The following RNASET2 variants were observed in gnomAD, a reference collection of about 807,000 sequenced individuals.
RNASET2 encodes the protein ribonuclease 6.
Under a neutral mutation model 33.9 loss-of-function variants are expected in RNASET2, and 28 were observed. That is an observed-to-expected ratio of 0.83 (90% CI 0.61 to 1.13). The LOEUF (loss-of-function observed/expected upper bound fraction) is 1.13, where lower values mean the gene tolerates loss of function less well. Ranked by LOEUF, RNASET2 falls within the 50% of genes most tolerant of loss-of-function variation. The pLI is 0.00. For synonymous variants in RNASET2, 123 were observed against 121.0 expected, an observed-to-expected ratio of 1.02 and a Z score of -0.11; for missense variants, 330 against 319.9, an observed-to-expected ratio of 1.03 and a Z score of -0.24.
intron 5 of RNASET2, among the ~76,000 whole-genome samples, chr6:166,942,272 C>T (rs575207502): frequency 3.3e-5 from 5 of 152,168 alleles, no homozygotes; most frequent in East Asian, 1.9e-4. Flanking sequence ...AGGCTGGTCT[C>T]GAACTCCTGA....
rs1778490897 is a variant in RNASET2 at position 166,933,298 on chromosome 6, G to A, written c.492+793C>T. 1.3e-5 allele frequency: 2 copies of A among 152,156 alleles called. No individual in the cohort carries two copies. Among genetic ancestry groups the A allele is most frequent in the Non-Finnish European group, 2.9e-5 (2 of 68,028 alleles). The allele number at this position is 152,156 out of a possible 1,614,324, so 9.4% of individuals were successfully genotyped here. A position where few individuals can be genotyped will look rare whatever the true frequency, so the allele number is the denominator to read the frequency against. On this transcript the variant is annotated intron_variant, in intron 7 of 8. Transcript: ENST00000508775. This position sits in a 1 kb window ranked among gnomAD's most constrained non-coding sequence, Gnocchi z 4.1. The stretch of plus-strand genomic sequence containing the variant: ...CACCATGGGAGCACAAGCATCCCCA[G>A]GTAACAAAGGAGTACAATTTTGTTT...
Position 166,925,309 on chromosome 6 carries a change from C to A in RNASET2, c.*4279G>T, listed in dbSNP as rs1762263118. 6.6e-6 allele frequency among the ~76,000 whole-genome samples: 1 copy of A among 152,026 alleles called. No homozygotes were observed. The highest frequency in any genetic ancestry group is 2.4e-5 in the African/African-American group (1 of 41,390). On this transcript the variant is annotated 3_prime_UTR_variant, in exon 9 of 9. Transcript: ENST00000508775. ...CTATGCCACTTAGCCCTCACCCATG[C>A]CATCTAGCCCTCACTCAAGCCACCC...
Position 166,922,292 on chromosome 6 carries a change from G to A in RNASET2, c.*7296C>T, listed in dbSNP as rs181723883. 1.2e-4 allele frequency among the ~76,000 whole-genome samples: 19 copies of A among 152,330 alleles called. No homozygotes were observed. The East Asian group carries it at 3.5e-3, about 28-fold the overall frequency. On this transcript the variant is annotated 3_prime_UTR_variant, in exon 9 of 9. Coordinates refer to ENST00000508775, the MANE Select transcript of RNASET2 (RefSeq NM_003730.6). ...ACACTCAAAAAGCGCGGTGATCTGA[G>A]TTATAGTAAAGCCTGTTTCGTTGGT...
intron 4 of RNASET2, chr6:166,944,104 G>A (rs1304017913): frequency 6.4e-6 from 1 of 155,562 alleles, no homozygotes; most frequent in Non-Finnish European, 1.4e-5. Context: ...TGGCGACAGA[G>A]TGAGACTCCA....
At chr6:166,952,421 C>A in intron 2 of RNASET2, 67 bp downstream of exon 2, 1 of 1,406,402 alleles carries the variant, frequency 7.1e-7, no homozygotes, top group Non-Finnish European at 1.0e-6. Context: ...TGGACGGGCA[C>A]GTGCACACAA....
intron 1 of RNASET2, chr6:166,955,864 A>G: frequency 1.3e-6 from 1 of 762,606 alleles, no homozygotes; most frequent in Non-Finnish European, 1.6e-6. Context: ...GTCACTTCTG[A>G]GTGTGCTAAG....
chr6:166,930,816 GCA>G (rs1476936014), intron 8 of RNASET2, among the ~76,000 whole-genome samples: 2 of 135,996 alleles, frequency 1.5e-5, no homozygotes, highest in African/African-American at 5.8e-5. Context: ...ACACACACAT[GCA>G]CACATAGCAC....
Position 166,925,633 on chromosome 6 carries a change from C to CCAT in RNASET2, c.*3952_*3954dup, listed in dbSNP as rs1422066085. On this transcript the variant is annotated 3_prime_UTR_variant, in exon 9 of 9. Coordinates refer to ENST00000508775, the MANE Select transcript of RNASET2 (RefSeq NM_003730.6). ...CTACACTGTACGGCCCTCCCCTGTG[C>CCAT]CATCCAGCTGGCATCTTCTATGTAA... Among the ~76,000 whole-genome samples the CCAT allele has an allele frequency of 6.6e-6, 1 of 152,210 alleles. No individual in the cohort carries two copies. Among genetic ancestry groups the CCAT allele is most frequent in the African/African-American group, 2.4e-5 (1 of 41,448 alleles).
intron 5 of RNASET2, 51 bp from the exon 6 acceptor site, chr6:166,939,059 T>G (rs759559245): frequency 1.5e-6 from 2 of 1,331,020 alleles, no homozygotes; most frequent in Non-Finnish European, 2.1e-6. Context: ...ACAGGCTGCG[T>G]GCAGTGGCTC....
chr6:166,929,813 C>T (rs757791702), intron 8 of RNASET2, 22 bp from the exon 9 acceptor site: 54 of 1,599,532 alleles, frequency 3.4e-5, no homozygotes, highest in South Asian at 7.7e-5. Flanking sequence ...CAATGAAAGA[C>T]GCTTTAGAAT....
chr6:166,942,058 C>CCTTTTTTTT (rs1778704639), intron 5 of RNASET2, among the ~76,000 whole-genome samples: 3 of 127,248 alleles, frequency 2.4e-5, no homozygotes, highest in Admixed American at 8.6e-5. Flanking sequence ...AAGACATCTT[C>CCTTTTTTTT]TTTTTTTTTT....
chr6:166,941,994 C>G (rs1434204674), intron 5 of RNASET2, among the ~76,000 whole-genome samples: 1 of 151,780 alleles, frequency 6.6e-6, no homozygotes, highest in Non-Finnish European at 1.5e-5. Context: ...GCCTCACATG[C>G]TAAGTCTCAC....
intron 1 of RNASET2, among the ~76,000 whole-genome samples, chr6:166,954,859 G>T (rs1779067593): frequency 2.0e-5 from 3 of 152,128 alleles, no homozygotes; most frequent in Admixed American, 1.3e-4. Flanking sequence ...AGGCGTGGTG[G>T]TGTGCATCTG....
chr6:166,948,316 A>G lies in RNASET2; in HGVS notation c.203+254T>C, dbSNP rs936170683. On this transcript the variant is annotated intron_variant, in intron 3 of 8. Coordinates refer to ENST00000508775, the MANE Select transcript of RNASET2 (RefSeq NM_003730.6). Reference sequence around the variant, plus strand: ...AGCCAAGATCGTGCCACTGCACTTCAGCCTAGGCAACAGAGTAAGACTCTG... The same window carrying G: ...AGCCAAGATCGTGCCACTGCACTTCGGCCTAGGCAACAGAGTAAGACTCTG... 8 of 532,276 alleles carry G rather than the reference A, an allele frequency of 1.5e-5. No homozygotes were observed. In the African/African-American group the frequency reaches 1.6e-4, roughly 10 times the overall value. The allele number at this position is 532,276 out of a possible 1,614,324, so 33.0% of individuals were successfully genotyped here.
intron 5 of RNASET2, 114 bp from the exon 6 acceptor site, chr6:166,939,122 T>G: frequency 1.3e-6 from 1 of 792,976 alleles, no homozygotes; most frequent in East Asian, 2.5e-5. Context: ...TCACCTGAGA[T>G]CAGGAGTTTG....
chr6:166,941,760 C>T (rs1778697679), intron 5 of RNASET2, among the ~76,000 whole-genome samples: 1 of 152,084 alleles, frequency 6.6e-6, no homozygotes, highest in Admixed American at 6.5e-5. Context: ...TTAATCTTCC[C>T]ACCTAAAATT....
In RNASET2 at chr6:166,922,186, A is replaced by T. The variant is rs1015747928; in HGVS notation, c.*7402T>A. On this transcript the variant is annotated 3_prime_UTR_variant, in exon 9 of 9. Coordinates refer to ENST00000508775, the MANE Select transcript of RNASET2 (RefSeq NM_003730.6). Reference sequence around the variant, plus strand: ...TAACTGCTAAGCATATATGTTGATCATGTTTACATGTTTATGTTGGGGACA... The same window carrying T: ...TAACTGCTAAGCATATATGTTGATCTTGTTTACATGTTTATGTTGGGGACA... Among the ~76,000 whole-genome samples the T allele has an allele frequency of 6.6e-6, 1 of 152,234 alleles. No homozygotes were observed. The highest frequency in any genetic ancestry group is 2.4e-5 in the African/African-American group (1 of 41,458).
chr6:166,925,001 A>G lies in RNASET2; in HGVS notation c.*4587T>C, dbSNP rs991928996. On this transcript the variant is annotated 3_prime_UTR_variant, in exon 9 of 9. Transcript: ENST00000508775. The stretch of plus-strand genomic sequence containing the variant: ...GCCTCACCTCCACCGCGCAGGCCTC[A>G]TCTACGCCATCCAGCCCTCACCCAC... Among the ~76,000 whole-genome samples the G allele has an allele frequency of 3.3e-5, 5 of 152,100 alleles. No homozygotes were observed. Among genetic ancestry groups the G allele is most frequent in the African/African-American group, 1.2e-4 (5 of 41,414 alleles).
intron 8 of RNASET2, 88 bp from the exon 9 acceptor site, chr6:166,929,879 A>G: frequency 7.7e-7 from 1 of 1,294,148 alleles, no homozygotes; most frequent in Non-Finnish European, 1.1e-6. Flanking sequence ...GAACTTTTAG[A>G]AGATAACAAA....
Sources: allele counts gnomAD v4.1 joint callset (sites outside exome capture counted in the v4.1 genomes callset), GRCh38; gene constraint gnomAD v4.1.1; non-coding constraint Gnocchi (gnomAD v3.1); transcripts MANE v1.5; gene names NCBI Gene and HGNC (gene_info 2026-07-23, HGNC 2026-07-21).